TRAPPC12: variants seen among roughly 807,000 people sequenced by gnomAD.
TRAPPC12 encodes the protein TPR repeat protein 15.
TRAPPC12 carries 61 observed loss-of-function variants against 69.2 expected under a neutral mutation model. The ratio of observed to expected loss-of-function variants is 0.88; its 90% confidence interval spans 0.72 to 1.09. TRAPPC12 has a LOEUF of 1.09. Ranked by LOEUF, TRAPPC12 falls within the 50% of genes least tolerant of loss-of-function variation. The pLI is 0.00. For missense variants in TRAPPC12, 1,101 were observed against 1,016.4 expected, an observed-to-expected ratio of 1.08 and a Z score of -1.13; for synonymous variants, 469 against 438.9, an observed-to-expected ratio of 1.07 and a Z score of -0.86.
intron 9 of TRAPPC12, among the ~76,000 whole-genome samples, chr2:3,468,751 A>G (rs1665934708): frequency 6.6e-6 from 1 of 152,100 alleles, no homozygotes; most frequent in Non-Finnish European, 1.5e-5. Flanking sequence ...GGCTGTAGGA[A>G]GGGGCAAAAG....
intron 5 of TRAPPC12, among the ~76,000 whole-genome samples, chr2:3,438,315 ATTAGCCCCCATCACCCCTGGG>A (rs71396991): frequency 0.013 from 819 of 62,084 alleles, 10 homozygotes; most frequent in Non-Finnish European, 0.018. Flanking sequence ...TCACCCCTGG[ATTAGCCCCCATCACCCCTGGG>A]TTAGCCCCCA....
chr2:3,457,312 A>C, intron 6 of TRAPPC12: 1 of 444,942 alleles, frequency 2.2e-6, no homozygotes, highest in Non-Finnish European at 4.3e-6. Flanking sequence ...GATGGGAGGA[A>C]GAGCTGAAAA....
chr2:3,388,270 G>C lies in TRAPPC12; in HGVS notation c.647G>C (p.Ser216Thr). Residue 216 changes from serine (S) to threonine (T), a missense_variant, in exon 2 of 12, where the codon AGC becomes ACC. Coordinates refer to ENST00000324266, the MANE Select transcript of TRAPPC12 (RefSeq NM_016030.6). ...ACGTTCTTCGGAGACACGGCCGCCA[G>C]CCACTCCTTGGCCTCGGACTTCTTC... Reference protein sequence around the residue: ...LSTFFGDTAASHSLASDFFDS... With the variant: ...LSTFFGDTAATHSLASDFFDS... 6.2e-7 allele frequency: 1 copy of C among 1,607,906 alleles called. No homozygotes were observed. The highest frequency in any genetic ancestry group is 8.5e-7 in the Non-Finnish European group (1 of 1,177,070).
At chr2:3,461,844 A>C (rs1665522564) in intron 8 of TRAPPC12, among the ~76,000 whole-genome samples, 1 of 149,566 alleles carries the variant, frequency 6.7e-6, no homozygotes, top group African/African-American at 2.5e-5. Context: ...CCTCTTCACC[A>C]CCCAAGGCTT....
chr2:3,477,796 G>C lies in TRAPPC12; in HGVS notation c.1877+1G>C. 6.4e-7 allele frequency: 1 copy of C among 1,569,754 alleles called. No individual in the cohort carries two copies. Among genetic ancestry groups the C allele is most frequent in the Non-Finnish European group, 8.7e-7 (1 of 1,154,466 alleles). ...GTAAAATCATGGTTTTGATGAACAGGTAAATATTTTAAAACTAAATATATG... is the reference window on the plus strand; with the variant it reads ...GTAAAATCATGGTTTTGATGAACAGCTAAATATTTTAAAACTAAATATATG... On this transcript the variant is annotated splice_donor_variant, in intron 10 of 11. Transcript: ENST00000324266. LOFTEE classifies it high-confidence loss of function.
intron 2 of TRAPPC12, chr2:3,389,566 C>CT (rs1660704810): frequency 4.6e-6 from 2 of 433,346 alleles, no homozygotes; most frequent in Non-Finnish European, 9.7e-6. Flanking sequence ...GCACACAGCT[C>CT]TTTTCGACCC....
intron 3 of TRAPPC12, among the ~76,000 whole-genome samples, chr2:3,408,976 T>G (rs1310605932): frequency 6.6e-6 from 1 of 152,190 alleles, no homozygotes; most frequent in Non-Finnish European, 1.5e-5. Flanking sequence ...GGCACAGAGC[T>G]ATGTGCACCG....
intron 3 of TRAPPC12, among the ~76,000 whole-genome samples, chr2:3,415,142 G>A (rs746132129): frequency 6.6e-6 from 1 of 152,150 alleles, no homozygotes; most frequent in South Asian, 2.1e-4. Context: ...TCCGTGGTTT[G>A]ACTTAAGATT....
At chr2:3,478,024 T>C in intron 10 of TRAPPC12, 1 of 392,968 alleles carries the variant, frequency 2.5e-6, no homozygotes, top group Non-Finnish European at 4.6e-6. Context: ...CCCTTGTTCT[T>C]CAGAGAAGCG....
At chr2:3,407,243 A>G (rs1661781307) in intron 3 of TRAPPC12, among the ~76,000 whole-genome samples, 2 of 152,216 alleles carry the variant, frequency 1.3e-5, no homozygotes, top group Admixed American at 6.5e-5. Flanking sequence ...ACATGCCATT[A>G]GTTACTTGAG....
intron 9 of TRAPPC12, among the ~76,000 whole-genome samples, chr2:3,477,425 C>A (rs73910561): frequency 6.6e-6 from 1 of 152,076 alleles, no homozygotes; most frequent in African/African-American, 2.4e-5. Flanking sequence ...AGAATTCATT[C>A]CAAAAGGTAA....
Position 3,388,349 on chromosome 2 carries a change from C to T in TRAPPC12, c.726C>T (p.Ser242=), listed in dbSNP as rs1268610119. The T allele has an allele frequency of 2.5e-6, 4 of 1,586,142 alleles. No homozygotes were observed. Among genetic ancestry groups the T allele is most frequent in the Non-Finnish European group, 2.6e-6 (3 of 1,168,516 alleles). Residue 242 remains serine, a synonymous_variant, in exon 2 of 12, where the codon TCC becomes TCT. Coordinates refer to ENST00000324266, the MANE Select transcript of TRAPPC12 (RefSeq NM_016030.6). ...FISVSNPGAG[S]PAPASPPPLA... Reference sequence around the variant, plus strand: ...CCGTCAGCAATCCCGGCGCGGGCTCCCCGGCCCCCGCCAGCCCGCCTCCCC... The same window carrying T: ...CCGTCAGCAATCCCGGCGCGGGCTCTCCGGCCCCCGCCAGCCCGCCTCCCC...
intron 1 of TRAPPC12, among the ~76,000 whole-genome samples, chr2:3,382,401 A>G (rs1372725065): frequency 6.6e-6 from 1 of 152,032 alleles, no homozygotes; most frequent in Non-Finnish European, 1.5e-5. Flanking sequence ...CCAAAGTGCT[A>G]GGATTACAGA....
At chr2:3,458,401 C>T (rs1665297938) in intron 7 of TRAPPC12, 2 of 985,846 alleles carry the variant, frequency 2.0e-6, no homozygotes, top group African/African-American at 3.5e-5. Context: ...CTCCTTCCCA[C>T]AGCTTCTGTC....
intron 6 of TRAPPC12, chr2:3,454,562 C>G (rs1374099037): frequency 1.3e-5 from 2 of 152,706 alleles, no homozygotes; most frequent in African/African-American, 2.4e-5. Flanking sequence ...GGGCCAAAAG[C>G]AGCTGCTGCA....
At chr2:3,427,560 G>A (rs1278539188) in intron 5 of TRAPPC12, among the ~76,000 whole-genome samples, 1 of 152,220 alleles carries the variant, frequency 6.6e-6, no homozygotes, top group Non-Finnish European at 1.5e-5. Context: ...GAGTGTGACT[G>A]AAAGGCAGAT....
At chr2:3,462,671 T>C (rs1665572644) in intron 8 of TRAPPC12, among the ~76,000 whole-genome samples, 1 of 152,276 alleles carries the variant, frequency 6.6e-6, no homozygotes, top group South Asian at 2.1e-4. Context: ...GCATGTATTA[T>C]AAAGCATTGA....
intron 5 of TRAPPC12, among the ~76,000 whole-genome samples, chr2:3,428,832 G>C (rs1004414897): frequency 6.6e-6 from 1 of 152,186 alleles, no homozygotes; most frequent in Non-Finnish European, 1.5e-5. Flanking sequence ...GTGCGGTTCT[G>C]GGTGGGGCCC....
At chr2:3,448,936 AT>A (rs1664704953) in intron 6 of TRAPPC12, among the ~76,000 whole-genome samples, 2 of 152,322 alleles carry the variant, frequency 1.3e-5, no homozygotes, top group South Asian at 4.1e-4. Context: ...TGTGTTTTAG[AT>A]TAGAACAGTG....
Sources: gnomAD v4.1 joint callset for allele counts (sites outside exome capture counted in the v4.1 genomes callset) on GRCh38, gnomAD v4.1.1 for gene constraint, MANE v1.5 for transcripts, NCBI Gene and HGNC (gene_info 2026-07-23, HGNC 2026-07-21) for gene names.